Variants in TRPC4AP observed in about 807,000 individuals in gnomAD.
TRPC4AP encodes short transient receptor potential channel 4-associated protein.
In TRPC4AP, 45 loss-of-function variants were observed where a neutral mutation model predicts 99.0. That is an observed-to-expected ratio of 0.45 (90% CI 0.36 to 0.58). TRPC4AP has a LOEUF of 0.58. Among genes scored for constraint, TRPC4AP ranks in the 20% least tolerant of loss-of-function variants. The pLI is 0.00. For synonymous variants in TRPC4AP, 408 were observed against 385.8 expected, an observed-to-expected ratio of 1.06 and a Z score of -0.67; for missense variants, 879 against 985.3, an observed-to-expected ratio of 0.89 and a Z score of 1.44.
chr20:35,005,039 A>G (rs2082489129), intron 16 of TRPC4AP, among the ~76,000 whole-genome samples: 2 of 152,210 alleles, frequency 1.3e-5, no homozygotes, highest in Non-Finnish European at 2.9e-5. Context: ...TGCTCCGTCC[A>G]CTAGTGTCGG....
chr20:35,073,295 A>T (rs1233772582), intron 2 of TRPC4AP, among the ~76,000 whole-genome samples: 1 of 152,212 alleles, frequency 6.6e-6, no homozygotes, highest in Non-Finnish European at 1.5e-5. Context: ...TTCCCTGGCC[A>T]AAACTTCCGA....
At chr20:35,036,872 G>A (rs2083331462) in intron 7 of TRPC4AP, among the ~76,000 whole-genome samples, 1 of 151,914 alleles carries the variant, frequency 6.6e-6, no homozygotes, top group African/African-American at 2.4e-5. Context: ...CTTGAACCTG[G>A]GATGCAGAGG....
chr20:35,086,561 GTGTGTGTGTGTGTGTA>G lies in TRPC4AP; in HGVS notation c.168+6037_168+6052del, dbSNP rs1569158180. The stretch of plus-strand genomic sequence containing the variant: ...TGTGTGTGTGTGTGTGTGTGTGTGT[GTGTGTGTGTGTGTGTA>G]TATATATATGAATAAGACTTTATCC... On this transcript the variant is annotated intron_variant, in intron 1 of 18. Transcript: ENST00000252015. Among the ~76,000 whole-genome samples the G allele has an allele frequency of 6.1e-3, 583 of 96,014 alleles. 53 individuals are homozygous for G. Among genetic ancestry groups the G allele is most frequent in the African/African-American group, 0.025 (562 of 22,688 alleles). The allele number at this position is 96,014 out of a possible 152,430, so 63.0% of individuals were successfully genotyped here. A position where few individuals can be genotyped will look rare whatever the true frequency, so the allele number is the denominator to read the frequency against.
chr20:35,076,846 T>C (rs1439496694), intron 2 of TRPC4AP, among the ~76,000 whole-genome samples: 1 of 152,202 alleles, frequency 6.6e-6, no homozygotes, highest in Non-Finnish European at 1.5e-5. Context: ...TGTTCAGCTA[T>C]GCCCTGCTCC....
chr20:35,017,387 G>T (rs1276369862), intron 9 of TRPC4AP, among the ~76,000 whole-genome samples: 1 of 152,204 alleles, frequency 6.6e-6, no homozygotes, highest in Non-Finnish European at 1.5e-5. Context: ...GAATGTCAAG[G>T]ATCAGAGGGG....
chr20:35,021,598 T>C (rs1416949738), intron 8 of TRPC4AP, among the ~76,000 whole-genome samples: 5 of 152,164 alleles, frequency 3.3e-5, no homozygotes, highest in Non-Finnish European at 7.3e-5. Context: ...AGTAAAAATA[T>C]TCGGACACAG....
chr20:35,039,957 T>C (rs995146064), intron 7 of TRPC4AP, among the ~76,000 whole-genome samples: 1 of 151,466 alleles, frequency 6.6e-6, no homozygotes, highest in Non-Finnish European at 1.5e-5. Flanking sequence ...GAAGATAGTG[T>C]AAATCATTAT....
chr20:35,068,269 AT>A (rs2084196637), intron 3 of TRPC4AP, among the ~76,000 whole-genome samples: 1 of 152,306 alleles, frequency 6.6e-6, no homozygotes, highest in South Asian at 2.1e-4. Flanking sequence ...TATGTTGGTG[AT>A]GGTATGGGTA....
chr20:35,086,069 C>CA (rs1358184685), intron 1 of TRPC4AP, among the ~76,000 whole-genome samples: 2 of 151,348 alleles, frequency 1.3e-5, no homozygotes, highest in East Asian at 3.9e-4. Context: ...CCCACACCAC[C>CA]ACCACTGCCA....
intron 3 of TRPC4AP, among the ~76,000 whole-genome samples, chr20:35,062,836 T>C (rs1433700092): frequency 1.3e-5 from 2 of 152,250 alleles, no homozygotes; most frequent in African/African-American, 4.8e-5. Flanking sequence ...ATCTTTTAAA[T>C]GGGTGACTTG....
chr20:35,002,923 TGGTACCCTGTCCTCATTATGGG>T lies in TRPC4AP; in HGVS notation c.*201_*222del, dbSNP rs2082424135. ...CAGGGTTCTGAAGGAAAGGTGGGCA[TGGTACCCTGTCCTCATTATGGG>T]GACTGAGGCTCTCCATGACCTAGGG... On this transcript the variant is annotated 3_prime_UTR_variant, in exon 19 of 19. Transcript: ENST00000252015. 1 of 543,406 alleles carries T rather than the reference TGGTACCCTGTCCTCATTATGGG, an allele frequency of 1.8e-6. No homozygotes were observed. Among genetic ancestry groups the T allele is most frequent in the East Asian group, 3.3e-5 (1 of 30,192 alleles). 33.7% of individuals were successfully genotyped at this position (543,406 alleles called of 1,614,324 possible). A position where few individuals can be genotyped will look rare whatever the true frequency, so the allele number is the denominator to read the frequency against.
At chr20:35,085,287 A>G (rs748011866) in intron 1 of TRPC4AP, among the ~76,000 whole-genome samples, 15 of 152,148 alleles carry the variant, frequency 9.9e-5, no homozygotes, top group Non-Finnish European at 1.6e-4. Context: ...CTATTTATAC[A>G]TTGTCTTACA....
intron 6 of TRPC4AP, 152 bp from the exon 7 acceptor site, chr20:35,044,864 G>T (rs1446704013): frequency 2.1e-5 from 15 of 698,414 alleles, no homozygotes; most frequent in Non-Finnish European, 3.5e-5. Context: ...TGAAACTTTG[G>T]TTAAGTTACA....
intron 5 of TRPC4AP, among the ~76,000 whole-genome samples, chr20:35,051,615 TA>T (rs56666362): frequency 0.067 from 7,713 of 115,300 alleles, 576 homozygotes; most frequent in African/African-American, 0.21. Flanking sequence ...ACTGACACAT[TA>T]AAAAAAAAAA....
chr20:35,005,591 G>A, intron 16 of TRPC4AP, 104 bp downstream of exon 16: 1 of 1,119,390 alleles, frequency 8.9e-7, no homozygotes, highest in Non-Finnish European at 1.3e-6. Context: ...TGGGCATCTG[G>A]TGCAGCTCCC....
At position 35,059,079 on chromosome 20, in the gene TRPC4AP, A is replaced by G. The variant is rs977722446; in HGVS notation, c.415-1508T>C. On this transcript the variant is annotated intron_variant, in intron 3 of 18. Transcript: ENST00000252015. ...AAACCCAAAGCAAGCAAAAGGGAGA[A>G]TAAGAGTTGAAACAAATGAAACAGA... Among the ~76,000 whole-genome samples, 7 of 152,314 alleles carry G rather than the reference A, an allele frequency of 4.6e-5. No individual in the cohort carries two copies. The East Asian group carries it at 5.8e-4, about 13-fold the overall frequency.
rs749940472 is a variant in TRPC4AP at position 35,004,528 on chromosome 20, G to C, written c.1979C>G (p.Ser660Cys). Reference protein sequence around the residue: ...LSECRLLAYISQVPTQMSFLF... With the variant: ...LSECRLLAYICQVPTQMSFLF... ...GAAGGACATCTGCGTGGGCACCTGG[G>C]ATATGTAGGCGAGCAGGCGGCATTC... Residue 660 changes from serine (S) to cysteine (C), a missense_variant, in exon 17 of 19, where the codon TCC becomes TGC. Transcript: ENST00000252015. The C allele has an allele frequency of 1.2e-6, 2 of 1,614,142 alleles. No individual in the cohort carries two copies.
At chr20:35,084,227 G>A (rs936802143) in intron 1 of TRPC4AP, among the ~76,000 whole-genome samples, 18 of 149,978 alleles carry the variant, frequency 1.2e-4, no homozygotes, top group Non-Finnish European at 1.5e-4. Flanking sequence ...CCGAGATTGC[G>A]CCATTCCACT....
chr20:35,012,837 G>T (rs1245174917), intron 11 of TRPC4AP, among the ~76,000 whole-genome samples, 171 bp downstream of exon 11: 1 of 152,212 alleles, frequency 6.6e-6, no homozygotes, highest in Non-Finnish European at 1.5e-5. Context: ...AGGAAGTCTG[G>T]AAAGACGGGA....
Sources: allele counts gnomAD v4.1 joint callset (sites outside exome capture counted in the v4.1 genomes callset), GRCh38; gene constraint gnomAD v4.1.1; transcripts MANE v1.5; gene names NCBI Gene and HGNC (gene_info 2026-07-23, HGNC 2026-07-21).